Variants in ANKRD1 observed in about 807,000 individuals in gnomAD.
The protein encoded by ANKRD1 is ankyrin repeat domain-containing protein 1.
ANKRD1 carries 32 observed loss-of-function variants against 40.1 expected under a neutral mutation model. The observed-to-expected ratio is 0.80, with a 90% confidence interval of 0.60 to 1.07. The LOEUF (loss-of-function observed/expected upper bound fraction) is 1.07, where lower values mean the gene tolerates loss of function less well. Among genes scored for constraint, ANKRD1 ranks in the 50% least tolerant of loss-of-function variants. The pLI, the probability that ANKRD1 is intolerant of heterozygous loss-of-function variation, is 0.00. For missense variants in ANKRD1, 359 were observed against 386.0 expected (o/e 0.93, Z 0.59); for synonymous variants, 149 against 141.2 (o/e 1.06, Z -0.39).
rs1032767934 is a variant in ANKRD1 at position 90,920,927 on chromosome 10, A to G, written c.27+74T>C. On this transcript the variant is annotated intron_variant, in intron 1 of 8. Transcript: ENST00000371697. ...TCCCTTGCATTACACCTGAAAGCAAAGGGCATTTCAATTTTCAAATAAAAA... is the reference window on the plus strand; with the variant it reads ...TCCCTTGCATTACACCTGAAAGCAAGGGGCATTTCAATTTTCAAATAAAAA... 6.4e-6 allele frequency: 9 copies of G among 1,416,692 alleles called. 1 individual carries two copies. Among genetic ancestry groups the G allele is most frequent in the Middle Eastern group, 3.5e-4 (2 of 5,690 alleles). The allele number at this position is 1,416,692 out of a possible 1,614,324, so 87.8% of individuals were successfully genotyped here.
intron 8 of ANKRD1, 54 bp from the exon 9 acceptor site, chr10:90,913,030 T>C (rs1430942500): frequency 1.4e-6 from 2 of 1,471,740 alleles, no homozygotes. Flanking sequence ...ATCTGTAAAT[T>C]CACATTCTCT....
chr10:90,913,215 A>G (rs1847336303), intron 8 of ANKRD1, among the ~76,000 whole-genome samples: 2 of 152,176 alleles, frequency 1.3e-5, no homozygotes, highest in Admixed American at 1.3e-4. Context: ...GGTATTGGTA[A>G]AATCCCTTGT....
Position 90,912,738 on chromosome 10 carries a change from C to CTTCA in ANKRD1, c.*124_*127dup. The CTTCA allele has an allele frequency of 1.1e-6, 1 of 917,086 alleles. No individual in the cohort carries two copies. The highest frequency in any genetic ancestry group is 1.8e-6 in the Non-Finnish European group (1 of 553,810). The allele number at this position is 917,086 out of a possible 1,614,324, so 56.8% of individuals were successfully genotyped here. A position where few individuals can be genotyped will look rare whatever the true frequency, so the allele number is the denominator to read the frequency against. ...CCTATAACCCTGTGCTTTCTCAAAA[C>CTTCA]TTCATTAGGTACATCTTCACAACAC... On this transcript the variant is annotated 3_prime_UTR_variant, in exon 9 of 9. Transcript: ENST00000371697.
chr10:90,913,245 A>G (rs1847336871), intron 8 of ANKRD1, among the ~76,000 whole-genome samples: 1 of 152,216 alleles, frequency 6.6e-6, no homozygotes, highest in African/African-American at 2.4e-5. Flanking sequence ...CTATGTGTCA[A>G]GAGCACCTCA....
In ANKRD1 at chr10:90,912,742, A is replaced by G. The variant is rs1403622479; in HGVS notation, c.*124T>C. 7 of 934,638 alleles carry G rather than the reference A, an allele frequency of 7.5e-6. No homozygotes were observed. In the East Asian group the frequency reaches 1.5e-4, roughly 19 times the overall value. The allele number at this position is 934,638 out of a possible 1,614,324, so 57.9% of individuals were successfully genotyped here. On this transcript the variant is annotated 3_prime_UTR_variant, in exon 9 of 9. Coordinates refer to ENST00000371697, the MANE Select transcript of ANKRD1 (RefSeq NM_014391.3). Reference sequence around the variant, plus strand: ...TAACCCTGTGCTTTCTCAAAACTTCATTAGGTACATCTTCACAACACGTTG... The same window carrying G: ...TAACCCTGTGCTTTCTCAAAACTTCGTTAGGTACATCTTCACAACACGTTG...
chr10:90,920,027 A>G (rs1589510662), intron 2 of ANKRD1, 142 bp downstream of exon 2: 3 of 1,091,186 alleles, frequency 2.7e-6, no homozygotes, highest in East Asian at 4.8e-5. Flanking sequence ...CCTGTTCCAT[A>G]CAAGTTGCCT....
intron 5 of ANKRD1, 74 bp downstream of exon 5, chr10:90,917,658 T>C: frequency 7.7e-7 from 1 of 1,295,094 alleles, no homozygotes; most frequent in Non-Finnish European, 1.1e-6. Context: ...AGCTCGGTTT[T>C]GCATTGGAGG....
intron 5 of ANKRD1, among the ~76,000 whole-genome samples, chr10:90,917,348 A>C (rs1238857131): frequency 6.6e-6 from 1 of 152,186 alleles, no homozygotes; most frequent in East Asian, 1.9e-4. Context: ...CTATCATATA[A>C]AGTGTGCAGC....
intron 8 of ANKRD1, 75 bp from the exon 9 acceptor site, chr10:90,913,051 C>T (rs1281469727): frequency 4.5e-6 from 6 of 1,336,292 alleles, no homozygotes; most frequent in Non-Finnish European, 6.5e-6. Context: ...GTGTGTGTTT[C>T]ATGAGGTAAG....
Position 90,917,788 on chromosome 10 carries a change from A to G in ANKRD1, c.496T>C (p.Leu166=), listed in dbSNP as rs550582183. Residue 166 remains leucine (L), a synonymous_variant, in exon 5 of 9, where the codon TTG becomes CTG. Coordinates refer to ENST00000371697, the MANE Select transcript of ANKRD1 (RefSeq NM_014391.3). ...TCCATTAACTTCTCCACAATTGCCA[A>G]ATGTCCTTCCAAGCATGCTCTATGA... ...ALHRACLEGH[L]AIVEKLMEAG... 1.6e-5 allele frequency: 26 copies of G among 1,614,064 alleles called. No individual in the cohort carries two copies. The highest frequency in any genetic ancestry group is 1.0e-4 in the Admixed American group (6 of 60,026).
Position 90,920,356 on chromosome 10 carries a change from GGAA to G in ANKRD1, c.28-11_28-9del, listed in dbSNP as rs1361719174. The G allele has an allele frequency of 1.2e-6, 2 of 1,613,760 alleles. No homozygotes were observed. Among genetic ancestry groups the G allele is most frequent in the African/African-American group, 2.7e-5 (2 of 74,890 alleles). ...ATTCTTCTTTCCAGTGACCTATGAG[GGAA>G]GAAGATGGCAGCGTCAGAAGCAGCA... On this transcript the variant is annotated splice_polypyrimidine_tract_variant and intron_variant, in intron 1 of 8. Coordinates refer to ENST00000371697, the MANE Select transcript of ANKRD1 (RefSeq NM_014391.3).
chr10:90,920,874 CT>C, intron 1 of ANKRD1, 126 bp downstream of exon 1: 14 of 903,290 alleles, frequency 1.5e-5, no homozygotes, highest in Admixed American at 2.1e-5. Flanking sequence ...TCACATCAAC[CT>C]TTTTCCATAT....
chr10:90,916,315 T>TG, intron 5 of ANKRD1, 46 bp from the exon 6 acceptor site: 1 of 1,448,476 alleles, frequency 6.9e-7, no homozygotes, highest in Non-Finnish European at 9.7e-7. Flanking sequence ...GAATGTGGTC[T>TG]GGGGAATTAG....
Position 90,920,066 on chromosome 10 carries a change from C to T in ANKRD1, c.207+103G>A, listed in dbSNP as rs953889041. ...TACGGGTTAGAATCTGGTAAAGAGACATCTTAATGATTGGGTTTGTTTCTC... is the reference window on the plus strand; with the variant it reads ...TACGGGTTAGAATCTGGTAAAGAGATATCTTAATGATTGGGTTTGTTTCTC... On this transcript the variant is annotated intron_variant, in intron 2 of 8. Transcript: ENST00000371697. 1.0e-5 allele frequency: 15 copies of T among 1,502,810 alleles called. No individual in the cohort carries two copies. The African/African-American group carries it at 1.2e-4, about 12-fold the overall frequency. 93.1% of individuals were successfully genotyped at this position (1,502,810 alleles called of 1,614,324 possible).
chr10:90,912,242 G>A lies in ANKRD1; in HGVS notation c.*624C>T, dbSNP rs995661623. 7.8e-6 allele frequency: 1 copy of A among 127,410 alleles called. No homozygotes were observed. Among genetic ancestry groups the A allele is most frequent in the African/African-American group, 2.9e-5 (1 of 33,952 alleles). The allele number at this position is 127,410 out of a possible 1,614,324, so 7.9% of individuals were successfully genotyped here. A position where few individuals can be genotyped will look rare whatever the true frequency, so the allele number is the denominator to read the frequency against. On this transcript the variant is annotated 3_prime_UTR_variant, in exon 9 of 9. Coordinates refer to ENST00000371697, the MANE Select transcript of ANKRD1 (RefSeq NM_014391.3). Reference sequence around the variant, plus strand: ...AGTTTGCCGCTCCTTCCACTGATTTGCACTTACACTCATGACGTTCTCTTC... The same window carrying A: ...AGTTTGCCGCTCCTTCCACTGATTTACACTTACACTCATGACGTTCTCTTC...
intron 6 of ANKRD1, 59 bp from the exon 7 acceptor site, chr10:90,915,939 C>A: frequency 6.5e-7 from 1 of 1,548,884 alleles, no homozygotes; most frequent in South Asian, 1.1e-5. Flanking sequence ...CTGTCCCAGA[C>A]CCCAAGACAT....
At position 90,912,818 on chromosome 10, in the gene ANKRD1, CT is replaced by C. The variant is rs1847329747; in HGVS notation, c.*47del. 1 of 1,549,810 alleles carries C rather than the reference CT, an allele frequency of 6.5e-7. No individual in the cohort carries two copies. The highest frequency in any genetic ancestry group is 2.2e-5 in the East Asian group (1 of 44,568). ...TAGTGTCTCTTCTCTTGGGCCATGC[CT>C]TCAAAATGCCAGTGAACATTTACTG... On this transcript the variant is annotated 3_prime_UTR_variant, in exon 9 of 9. Transcript: ENST00000371697.
In ANKRD1 at chr10:90,917,829, T is replaced by TACTATCAG; in HGVS notation, c.454-7_454dup (p.Tyr152SerfsTer24). The TACTATCAG allele has an allele frequency of 6.2e-7, 1 of 1,612,450 alleles. No individual in the cohort carries two copies. Among genetic ancestry groups the TACTATCAG allele is most frequent in the Non-Finnish European group, 8.5e-7 (1 of 1,178,548 alleles). ...TGCTCTATGAAGAGCTGTCCGTTTA[T>TACTATCAG]ACTATCAGAACAGAGATTTTAAACA... On this transcript the variant is annotated frameshift_variant and splice_region_variant, in exon 5 of 9. Transcript: ENST00000371697. LOFTEE classifies it high-confidence loss of function.
Position 90,915,796 on chromosome 10 carries a change from T to C in ANKRD1, c.736A>G (p.Asn246Asp), listed in dbSNP as rs368343038. The C allele has an allele frequency of 7.4e-6, 12 of 1,613,758 alleles. No homozygotes were observed. In the African/African-American group the frequency reaches 1.3e-4, roughly 18 times the overall value. ...CAGCTACTCACTCTGTCTTTGGCGT[T>C]GAGGTCTGCCTCACAGGCGATAAGA... The part of the protein sequence containing the change: ...EHLIACEADL[N>D]AKDREGDTPL... Residue 246 changes from asparagine to aspartate, a missense_variant, in exon 7 of 9, where the codon AAC (asparagine) becomes GAC (aspartate). Physicochemically the swap from Asn to Asp is conservative, Grantham distance 23 (BLOSUM62 1). Transcript: ENST00000371697.
Sources: gnomAD v4.1 joint callset for allele counts (sites outside exome capture counted in the v4.1 genomes callset) on GRCh38, gnomAD v4.1.1 for gene constraint, MANE v1.5 for transcripts, NCBI Gene and HGNC (gene_info 2026-07-23, HGNC 2026-07-21) for gene names.